The following CEP83 variants were observed in gnomAD, a reference collection of about 807,000 sequenced individuals.
The protein encoded by CEP83 is centrosomal protein of 83 kDa.
CEP83 carries 70 observed loss-of-function variants against 101.9 expected under a neutral mutation model. The ratio of observed to expected loss-of-function variants is 0.69; its 90% CI spans 0.57 to 0.84. The LOEUF (loss-of-function observed/expected upper bound fraction) is 0.84. CEP83 is among the 40% of genes least tolerant of loss of function. The pLI is 0.00. For missense variants in CEP83, 715 were observed against 787.2 expected, an observed-to-expected ratio of 0.91 and a Z score of 1.10; for synonymous variants, 264 against 267.9, an observed-to-expected ratio of 0.99 and a Z score of 0.14.
rs188342709 is a variant in CEP83, at chr12:94,426,972, G to C, written c.-102+8303C>G. Among the ~76,000 whole-genome samples the C allele has an allele frequency of 5.6e-4, 86 of 152,338 alleles. No individual in the cohort carries two copies. The East Asian group carries it at 0.015, about 27-fold the overall frequency. On this transcript the variant is annotated intron_variant, in intron 2 of 16. Transcript: ENST00000397809. ...TCTGACTTCTAATCTCTAAAATGTT[G>C]AAAGAATAATTTTTTTGTTGTTTTG...
intron 6 of CEP83, among the ~76,000 whole-genome samples, chr12:94,393,665 GA>G (rs1046231851): frequency 6.6e-6 from 1 of 152,162 alleles, no homozygotes; most frequent in African/African-American, 2.4e-5. Context: ...ATTCAATTAG[GA>G]AATGAGGAAG....
chr12:94,326,379 C>T (rs2058975442), intron 14 of CEP83, among the ~76,000 whole-genome samples: 1 of 152,244 alleles, frequency 6.6e-6, no homozygotes, highest in East Asian at 1.9e-4. Context: ...CATGGGAACC[C>T]CTAAGTTAGT....
At chr12:94,426,011 A>C (rs1373041384) in intron 2 of CEP83, among the ~76,000 whole-genome samples, 1 of 151,776 alleles carries the variant, frequency 6.6e-6, no homozygotes, top group African/African-American at 2.4e-5. Flanking sequence ...AGTCCCAGCT[A>C]CTCGGGAGGC....
intron 6 of CEP83, among the ~76,000 whole-genome samples, chr12:94,395,262 C>T (rs371106465): frequency 4.6e-5 from 7 of 151,544 alleles, no homozygotes; most frequent in East Asian, 1.9e-4. Flanking sequence ...TGCAGCAACC[C>T]GACATGGCAC....
chr12:94,453,710 T>C (rs1256209869), intron 1 of CEP83, among the ~76,000 whole-genome samples: 2 of 152,166 alleles, frequency 1.3e-5, no homozygotes, highest in African/African-American at 4.8e-5. Context: ...CTTTCAGAGA[T>C]TTATGTTTTC....
chr12:94,353,680 A>T lies in CEP83; in HGVS notation c.1343+14114T>A, dbSNP rs559703200. Among the ~76,000 whole-genome samples the T allele has an allele frequency of 5.9e-5, 9 of 152,164 alleles. No individual in the cohort carries two copies. The South Asian group carries it at 1.9e-3, about 32-fold the overall frequency. On this transcript the variant is annotated intron_variant, in intron 11 of 16. Transcript: ENST00000397809. The stretch of plus-strand genomic sequence containing the variant: ...CAAAGCCCAAATATAAGCTGCCTAA[A>T]CACAACTCACTTCACCCATAAAGAC...
At position 94,338,562 on chromosome 12, in the gene CEP83, C is replaced by T. The variant is rs183799121; in HGVS notation, c.1344-2898G>A. Among the ~76,000 whole-genome samples the T allele has an allele frequency of 7.8e-4, 119 of 151,814 alleles. 1 individual carries two copies. In the East Asian group the frequency reaches 0.022, roughly 28 times the overall value. Reference sequence around the variant, plus strand: ...ATGAGAGGAAGAAAGCAGTTTTCAGCAGGGGGAGAGGCATTAAAAAAATGT... The same window carrying T: ...ATGAGAGGAAGAAAGCAGTTTTCAGTAGGGGGAGAGGCATTAAAAAAATGT... On this transcript the variant is annotated intron_variant, in intron 11 of 16. Coordinates refer to ENST00000397809, the MANE Select transcript of CEP83 (RefSeq NM_016122.3).
chr12:94,444,122 G>T (rs1040861933), intron 1 of CEP83, among the ~76,000 whole-genome samples: 1 of 152,174 alleles, frequency 6.6e-6, no homozygotes, highest in Non-Finnish European at 1.5e-5. Context: ...CCTCAGGCCG[G>T]GCGTGGTGGC....
At chr12:94,435,551 G>A (rs1047944787) in intron 1 of CEP83, among the ~76,000 whole-genome samples, 18 of 152,186 alleles carry the variant, frequency 1.2e-4, no homozygotes, top group Non-Finnish European at 1.0e-4. Flanking sequence ...ACTCTCGGGA[G>A]CTCTATGGGC....
chr12:94,271,422 C>T, the CEP83 span, among the ~76,000 whole-genome samples: 1 of 152,224 alleles, frequency 6.6e-6, no homozygotes, highest in African/African-American at 2.4e-5. Flanking sequence ...GCAGCCTTAT[C>T]CTCTCTGCCT....
intron 6 of CEP83, among the ~76,000 whole-genome samples, chr12:94,381,989 T>G (rs2061876052): frequency 6.6e-6 from 1 of 152,096 alleles, no homozygotes; most frequent in African/African-American, 2.4e-5. Context: ...AATTCTCTAG[T>G]TAACTATTCA....
At chr12:94,413,131 G>A (rs1344384846) in intron 2 of CEP83, among the ~76,000 whole-genome samples, 1 of 152,218 alleles carries the variant, frequency 6.6e-6, no homozygotes, top group Non-Finnish European at 1.5e-5. Context: ...TGGGATTACA[G>A]GCGTGAGCCA....
intron 5 of CEP83, chr12:94,402,338 G>C (rs1341807357): frequency 6.6e-6 from 1 of 152,038 alleles, no homozygotes; most frequent in Non-Finnish European, 1.5e-5. Flanking sequence ...TTCCATTCTA[G>C]AGGTGGTAAA....
intron 4 of CEP83, among the ~76,000 whole-genome samples, chr12:94,406,125 C>T (rs1222202068): frequency 6.6e-6 from 1 of 152,158 alleles, no homozygotes; most frequent in African/African-American, 2.4e-5. Context: ...TAGCACTACA[C>T]TAAATACTAC....
At chr12:94,267,609 C>T in the CEP83 span, among the ~76,000 whole-genome samples, 1 of 152,128 alleles carries the variant, frequency 6.6e-6, no homozygotes, top group Non-Finnish European at 1.5e-5. Context: ...TTTTTAGGGG[C>T]CTTGCCTTTA....
At chr12:94,282,327 C>T in the CEP83 span, 4 of 1,613,860 alleles carry the variant, frequency 2.5e-6, no homozygotes, top group Non-Finnish European at 3.4e-6. Flanking sequence ...ACAGAAAGAA[C>T]TTCTGGACAT....
At chr12:94,444,825 C>G (rs887683792) in intron 1 of CEP83, among the ~76,000 whole-genome samples, 2 of 152,018 alleles carry the variant, frequency 1.3e-5, no homozygotes, top group Non-Finnish European at 2.9e-5. Context: ...TAGTGAGACT[C>G]TATATCTATT....
chr12:94,318,248 T>C (rs1435713141), intron 14 of CEP83, among the ~76,000 whole-genome samples: 1 of 152,214 alleles, frequency 6.6e-6, no homozygotes, highest in Non-Finnish European at 1.5e-5. Flanking sequence ...CTAGTGATTT[T>C]TGTACATTGA....
intron 6 of CEP83, among the ~76,000 whole-genome samples, chr12:94,396,395 T>G (rs974680708): frequency 1.1e-4 from 17 of 151,080 alleles, no homozygotes; most frequent in Non-Finnish European, 1.9e-4. Context: ...TTCAAGCGAT[T>G]CTCCTGCCTC....
Sources: allele counts gnomAD v4.1 joint callset (sites outside exome capture counted in the v4.1 genomes callset), GRCh38; gene constraint gnomAD v4.1.1; transcripts MANE v1.5; gene names NCBI Gene and HGNC (gene_info 2026-07-23, HGNC 2026-07-21).